Variants in ZC3H3 observed in about 807,000 individuals in gnomAD.
ZC3H3 encodes zinc finger CCCH-type containing 3.
A neutral mutation model predicts 77.3 loss-of-function variants in ZC3H3; 36 were observed. The ratio of observed to expected loss-of-function variants is 0.47; its 90% CI spans 0.36 to 0.61. The LOEUF is 0.61. Ranked by LOEUF, ZC3H3 falls within the 20% of genes least tolerant of loss-of-function variation. The probability of loss-of-function intolerance (pLI) is 0.00; values close to 1 mark genes in which losing one functional copy is unlikely to be tolerated. For synonymous variants in ZC3H3, 626 were observed against 555.2 expected (o/e 1.13, Z -1.79); for missense variants, 1,331 against 1,312.2 (o/e 1.01, Z -0.22).
chr8:143,510,482 A>G (rs1821838371), intron 3 of ZC3H3, among the ~76,000 whole-genome samples: 1 of 152,244 alleles, frequency 6.6e-6, no homozygotes, highest in Non-Finnish European at 1.5e-5. Context: ...GTAGTAGCAG[A>G]TGAATTCTGA....
chr8:143,460,298 T>C lies in ZC3H3; in HGVS notation c.2307+5419A>G, dbSNP rs1820228585. ...TAAATAAATAAATAAATAAAAGGCA[T>C]CCCAATTGAAAAGGAAGAAGTAAAA... On this transcript the variant is annotated intron_variant, in intron 9 of 11. Transcript: ENST00000262577. This position sits in a 1 kb window ranked among gnomAD's most constrained non-coding sequence, Gnocchi z 4.0. Among the ~76,000 whole-genome samples the C allele has an allele frequency of 6.9e-6, 1 of 145,212 alleles. No individual in the cohort carries two copies. Among genetic ancestry groups the C allele is most frequent in the Non-Finnish European group, 1.5e-5 (1 of 65,358 alleles).
chr8:143,539,782 G>A (rs886776606), intron 1 of ZC3H3, among the ~76,000 whole-genome samples: 25 of 152,284 alleles, frequency 1.6e-4, no homozygotes, highest in African/African-American at 5.5e-4. Context: ...TGACACTCTC[G>A]AGGACCCCAT....
intron 5 of ZC3H3, among the ~76,000 whole-genome samples, chr8:143,474,938 G>A (rs1430572799): frequency 2.6e-5 from 4 of 152,184 alleles, no homozygotes; most frequent in South Asian, 2.1e-4. Context: ...GTGTGCGCTC[G>A]CCCGGGCGTG....
intron 3 of ZC3H3, among the ~76,000 whole-genome samples, chr8:143,522,595 ACTCT>A (rs1295579272): frequency 2.0e-5 from 3 of 147,384 alleles, no homozygotes; most frequent in Non-Finnish European, 4.5e-5. Flanking sequence ...AGAGAGCAAG[ACTCT>A]CTGTCTTAAA....
chr8:143,459,344 T>A (rs555385895), intron 9 of ZC3H3, among the ~76,000 whole-genome samples: 67 of 152,356 alleles, frequency 4.4e-4, no homozygotes, highest in African/African-American at 1.5e-3. Context: ...GGTCAGGAGT[T>A]TGAGACTAGC....
intron 4 of ZC3H3, among the ~76,000 whole-genome samples, chr8:143,503,117 A>G (rs1167532339): frequency 6.6e-6 from 1 of 152,200 alleles, no homozygotes; most frequent in Non-Finnish European, 1.5e-5. Flanking sequence ...GCACATGGCC[A>G]GCACACCGCC....
intron 1 of ZC3H3, among the ~76,000 whole-genome samples, chr8:143,540,883 G>A (rs889737648): frequency 1.3e-5 from 2 of 151,930 alleles, no homozygotes; most frequent in African/African-American, 4.8e-5. Context: ...TCGAACCCAG[G>A]ATGAGGAGAT....
intron 9 of ZC3H3, among the ~76,000 whole-genome samples, chr8:143,464,494 G>A (rs1030714562): frequency 6.6e-5 from 10 of 152,190 alleles, no homozygotes; most frequent in Non-Finnish European, 1.2e-4. Flanking sequence ...CTGAGGATGA[G>A]GGAGAGGATG....
intron 4 of ZC3H3, among the ~76,000 whole-genome samples, chr8:143,483,615 C>G (rs1313257219): frequency 6.6e-6 from 1 of 152,176 alleles, no homozygotes; most frequent in Non-Finnish European, 1.5e-5. Context: ...GGACCCTGCC[C>G]CCACGATCTC....
intron 9 of ZC3H3, among the ~76,000 whole-genome samples, chr8:143,449,564 C>T (rs1819937075): frequency 6.6e-6 from 1 of 152,280 alleles, no homozygotes; most frequent in African/African-American, 2.4e-5. Context: ...TCCACTAAAA[C>T]CCCATCTCTA....
chr8:143,464,377 G>A (rs906874944), intron 9 of ZC3H3, among the ~76,000 whole-genome samples: 12 of 152,254 alleles, frequency 7.9e-5, no homozygotes, highest in South Asian at 4.1e-4. Flanking sequence ...CTACCTCCCC[G>A]GAGGGGATTG....
chr8:143,452,499 G>C (rs1341381572), intron 9 of ZC3H3, among the ~76,000 whole-genome samples: 1 of 152,218 alleles, frequency 6.6e-6, no homozygotes, highest in African/African-American at 2.4e-5. Flanking sequence ...GCTCGGTGAA[G>C]AGGGGCAGCG....
At chr8:143,498,833 CA>C (rs1486431936) in intron 4 of ZC3H3, among the ~76,000 whole-genome samples, 1 of 96,602 alleles carries the variant, frequency 1.0e-5, no homozygotes, top group Non-Finnish European at 2.0e-5. Flanking sequence ...CAGAGGGGCA[CA>C]GGGCGGGGCA....
chr8:143,484,514 C>A (rs780280003), intron 4 of ZC3H3: 10 of 155,316 alleles, frequency 6.4e-5, no homozygotes, highest in Non-Finnish European at 1.4e-4. Context: ...TAAAATGACA[C>A]TTTTAAAAAT....
intron 4 of ZC3H3, among the ~76,000 whole-genome samples, chr8:143,488,908 G>A (rs1325763659): frequency 6.6e-6 from 1 of 152,244 alleles, no homozygotes; most frequent in East Asian, 1.9e-4. Flanking sequence ...ACTTGACCAA[G>A]AATTAAAGTT....
intron 3 of ZC3H3, among the ~76,000 whole-genome samples, chr8:143,517,305 G>A (rs1318232174): frequency 2.6e-5 from 4 of 152,204 alleles, no homozygotes; most frequent in African/African-American, 9.6e-5. Flanking sequence ...CAGGGGAAGG[G>A]AGGGGGCCTC....
chr8:143,512,460 C>T (rs908884904), intron 3 of ZC3H3, among the ~76,000 whole-genome samples: 8 of 152,268 alleles, frequency 5.3e-5, no homozygotes, highest in African/African-American at 9.6e-5. Context: ...GTTTCTGAGG[C>T]GGTGCCAACT....
Position 143,465,937 on chromosome 8 carries a change from C to T in ZC3H3, c.2176-89G>A, listed in dbSNP as rs74996058. 684 of 1,489,616 alleles carry T rather than the reference C, an allele frequency of 4.6e-4. 3 individuals are homozygous for T. In the African/African-American group the frequency reaches 8.8e-3, roughly 19 times the overall value. The allele number at this position is 1,489,616 out of a possible 1,614,324, so 92.3% of individuals were successfully genotyped here. Reference sequence around the variant, plus strand: ...CTGGGGACCCTCCTACGGCCCCGCCCGAGAGAGAAATGGACACGCGGCACC... The same window carrying T: ...CTGGGGACCCTCCTACGGCCCCGCCTGAGAGAGAAATGGACACGCGGCACC... On this transcript the variant is annotated intron_variant, in intron 8 of 11. Transcript: ENST00000262577.
chr8:143,519,762 C>T (rs891606356), intron 3 of ZC3H3, among the ~76,000 whole-genome samples: 5 of 152,332 alleles, frequency 3.3e-5, no homozygotes, highest in African/African-American at 1.2e-4. Flanking sequence ...GACCAGACCC[C>T]AGGGCAGCCA....
Sources: allele counts gnomAD v4.1 joint callset (sites outside exome capture counted in the v4.1 genomes callset), GRCh38; gene constraint gnomAD v4.1.1; non-coding constraint Gnocchi (gnomAD v3.1); transcripts MANE v1.5; gene names NCBI Gene and HGNC (gene_info 2026-07-23, HGNC 2026-07-21).